The following RASAL2 variants were observed in gnomAD, a reference collection of about 807,000 sequenced individuals.
RASAL2 encodes RAS protein activator like 2, also known as ras GTPase-activating protein nGAP.
In RASAL2, 58 loss-of-function variants were observed where a neutral mutation model predicts 128.9. The ratio of observed to expected loss-of-function variants is 0.45; its 90% CI spans 0.36 to 0.56. The LOEUF (loss-of-function observed/expected upper bound fraction) is 0.56. RASAL2 is among the 20% of genes least tolerant of loss of function. The pLI, the probability that RASAL2 is intolerant of heterozygous loss-of-function variation, is 0.00. For missense variants in RASAL2, 1,360 were observed against 1,601.6 expected, an observed-to-expected ratio of 0.85 and a Z score of 2.57; for synonymous variants, 561 against 580.8, an observed-to-expected ratio of 0.97 and a Z score of 0.49.
chr1:178,189,035 G>T lies in RASAL2; in HGVS notation c.202+94341G>T, dbSNP rs114670971. ...ATAACCATAGCAATTATTGTGGTTC[G>T]CTTCAAATGTTGATTTATGTTACCT... is the stretch of plus-strand genomic sequence containing the variant. On this transcript the variant is annotated intron_variant, in intron 1 of 17. Transcript: ENST00000367649. 5.5e-3 allele frequency among the ~76,000 whole-genome samples: 833 copies of T among 152,134 alleles called. 4 individuals carry two copies. The highest frequency in any genetic ancestry group is 0.019 in the African/African-American group (794 of 41,508).
chr1:178,311,921 C>T (rs1668274690), intron 3 of RASAL2, among the ~76,000 whole-genome samples: 1 of 151,872 alleles, frequency 6.6e-6, no homozygotes, highest in Admixed American at 6.6e-5. Context: ...TGATTGATAT[C>T]CTCAGAAAGA....
chr1:178,452,203 C>A (rs148723418), intron 10 of RASAL2, among the ~76,000 whole-genome samples: 1 of 152,260 alleles, frequency 6.6e-6, no homozygotes, highest in East Asian at 1.9e-4. Context: ...ATCCAGAGTT[C>A]TGTAGCCTTG....
Position 178,458,606 on chromosome 1 carries a change from A to T in RASAL2, c.3252+62A>T, listed in dbSNP as rs190531785. 445 of 1,496,398 alleles carry T rather than the reference A, an allele frequency of 3.0e-4. 2 individuals are homozygous for T. In the African/African-American group the frequency reaches 5.6e-3, roughly 19 times the overall value. The allele number at this position is 1,496,398 out of a possible 1,614,324, so 92.7% of individuals were successfully genotyped here. On this transcript the variant is annotated intron_variant, in intron 14 of 17. Transcript: ENST00000367649. ...GGTCCATCTGTTTCCTTGGTTCTTT[A>T]TACATAAATCATTGGGAAATCCTAT...
At chr1:178,149,339 A>G (rs1313216200) in intron 1 of RASAL2, among the ~76,000 whole-genome samples, 1 of 152,182 alleles carries the variant, frequency 6.6e-6, no homozygotes, top group African/African-American at 2.4e-5. Flanking sequence ...CTGATTAAGT[A>G]AAACATAACA....
intron 6 of RASAL2, among the ~76,000 whole-genome samples, chr1:178,439,917 CTAACCACAGCATCAGTGGTTCA>C (rs1324482645): frequency 1.3e-5 from 2 of 152,048 alleles, no homozygotes; most frequent in Non-Finnish European, 1.5e-5. Context: ...TGTTATTTTT[CTAACCACAGCATCAGTGGTTCA>C]AGATCTGAGA....
chr1:178,376,075 C>T (rs1671975336), intron 3 of RASAL2, among the ~76,000 whole-genome samples: 1 of 151,852 alleles, frequency 6.6e-6, no homozygotes, highest in South Asian at 2.1e-4. Context: ...AGACACAGAG[C>T]GAATGACCGT....
intron 1 of RASAL2, among the ~76,000 whole-genome samples, chr1:178,134,388 G>T (rs901905546): frequency 1.2e-4 from 18 of 148,988 alleles, no homozygotes; most frequent in African/African-American, 4.0e-4. Context: ...AGCCTGGAAG[G>T]TTGAGGCTGT....
At chr1:178,268,235 C>T (rs111929915) in intron 1 of RASAL2, among the ~76,000 whole-genome samples, 4,299 of 151,998 alleles carry the variant, frequency 0.028, 77 homozygotes, top group East Asian at 0.084. Context: ...TTTAGGAGGC[C>T]GAGGCGGGTG....
intron 3 of RASAL2, among the ~76,000 whole-genome samples, chr1:178,348,090 A>T (rs926905607): frequency 6.6e-6 from 1 of 152,188 alleles, no homozygotes; most frequent in South Asian, 2.1e-4. Flanking sequence ...GTTCAGACTG[A>T]TCTAGGGTGA....
chr1:178,446,512 G>A (rs1444505138), intron 9 of RASAL2, among the ~76,000 whole-genome samples: 1 of 152,176 alleles, frequency 6.6e-6, no homozygotes, highest in Non-Finnish European at 1.5e-5. Context: ...TAATGGTTTA[G>A]AAGAATAAAA....
intron 1 of RASAL2, among the ~76,000 whole-genome samples, chr1:178,150,101 C>A (rs1023073447): frequency 3.3e-5 from 5 of 152,250 alleles, no homozygotes; most frequent in Admixed American, 2.6e-4. Context: ...AACTTTTCAT[C>A]TTTTAATAGA....
chr1:178,265,794 A>G (rs1665920253), intron 1 of RASAL2, among the ~76,000 whole-genome samples: 1 of 152,220 alleles, frequency 6.6e-6, no homozygotes, highest in African/African-American at 2.4e-5. Context: ...TTCACCTGCA[A>G]ACAGTGACTA....
intron 3 of RASAL2, among the ~76,000 whole-genome samples, chr1:178,324,666 A>C (rs1668952039): frequency 6.6e-6 from 1 of 152,136 alleles, no homozygotes; most frequent in Admixed American, 6.5e-5. Flanking sequence ...TTCTGAAAGG[A>C]AAAATAAGTA....
chr1:178,385,910 A>G (rs755005970), intron 3 of RASAL2, among the ~76,000 whole-genome samples: 7 of 152,036 alleles, frequency 4.6e-5, no homozygotes. Flanking sequence ...CTCACACCTC[A>G]CCTTTGCAGT....
chr1:178,319,316 A>G (rs1668637673), intron 3 of RASAL2, among the ~76,000 whole-genome samples: 1 of 151,706 alleles, frequency 6.6e-6, no homozygotes, highest in South Asian at 2.1e-4. Context: ...CGTTCTCTGT[A>G]TTTCCTGAAT....
chr1:178,212,649 G>A (rs993799478), intron 1 of RASAL2, among the ~76,000 whole-genome samples: 5 of 151,938 alleles, frequency 3.3e-5, no homozygotes, highest in South Asian at 2.1e-4. Flanking sequence ...GCACCACCAC[G>A]CCCAACTAAT....
chr1:178,116,957 A>G (rs1252210535), intron 1 of RASAL2, among the ~76,000 whole-genome samples: 1 of 152,216 alleles, frequency 6.6e-6, no homozygotes, highest in Non-Finnish European at 1.5e-5. Flanking sequence ...AGAGCCAAAC[A>G]TAGACTTAAA....
intron 1 of RASAL2, among the ~76,000 whole-genome samples, chr1:178,163,574 C>A (rs1458505127): frequency 6.6e-6 from 1 of 152,016 alleles, no homozygotes; most frequent in African/African-American, 2.4e-5. Context: ...CCAAATTTGT[C>A]TTGGCCCCTG....
intron 4 of RASAL2, among the ~76,000 whole-genome samples, chr1:178,412,419 T>TG (rs552359130): frequency 2.2e-4 from 33 of 152,230 alleles, no homozygotes; most frequent in African/African-American, 6.5e-4. Context: ...TATTGGGTAA[T>TG]GGAGAATGAA....
Sources: gnomAD v4.1 joint callset for allele counts (sites outside exome capture counted in the v4.1 genomes callset) on GRCh38, gnomAD v4.1.1 for gene constraint, MANE v1.5 for transcripts, NCBI Gene and HGNC (gene_info 2026-07-23, HGNC 2026-07-21) for gene names.